PRKCA: variants seen among roughly 807,000 people sequenced by gnomAD.
PRKCA encodes the protein protein kinase C alpha type.
In PRKCA, 27 loss-of-function variants were observed where a neutral mutation model predicts 87.0. That is an observed-to-expected ratio of 0.31 (90% CI 0.23 to 0.43). The LOEUF is 0.43. Ranked by LOEUF, PRKCA falls within the 20% of genes least tolerant of loss-of-function variation. PRKCA has a pLI of 1.00. For missense variants in PRKCA, 518 were observed against 852.3 expected, an observed-to-expected ratio of 0.61 and a Z score of 4.88; for synonymous variants, 329 against 311.1, an observed-to-expected ratio of 1.06 and a Z score of -0.61.
In PRKCA at chr17:66,333,842, C is replaced by T. The variant is rs144765925; in HGVS notation, c.205+27715C>T. Among the ~76,000 whole-genome samples the T allele has an allele frequency of 8.5e-3, 1,294 of 152,190 alleles. 25 individuals are homozygous for T. Among genetic ancestry groups the T allele is most frequent in the African/African-American group, 0.029 (1,221 of 41,504 alleles). On this transcript the variant is annotated intron_variant, in intron 2 of 16. Transcript: ENST00000413366. ...TTAGGATGATGCTCTTCATTGAAACCTGGGGGTTATACTTTTTAAAAAAAT... is the reference window on the plus strand; with the variant it reads ...TTAGGATGATGCTCTTCATTGAAACTTGGGGGTTATACTTTTTAAAAAAAT...
chr17:66,508,920 C>T (rs1394766634), intron 3 of PRKCA, among the ~76,000 whole-genome samples: 3 of 152,152 alleles, frequency 2.0e-5, no homozygotes, highest in Non-Finnish European at 4.4e-5. Flanking sequence ...CAGAGTCACT[C>T]ACAGCGGCCT....
At chr17:66,638,297 A>G (rs1205472792) in intron 3 of PRKCA, 2 of 152,092 alleles carry the variant, frequency 1.3e-5, no homozygotes, top group Non-Finnish European at 2.9e-5. Flanking sequence ...CACAAATACA[A>G]AACTTGGAGT....
intron 3 of PRKCA, chr17:66,640,809 C>T (rs1420692896): frequency 1.4e-5 from 5 of 350,942 alleles, no homozygotes; most frequent in East Asian, 2.1e-4. Context: ...TGGTGGAAAC[C>T]GTGGTATGTG....
chr17:66,759,054 T>C (rs951900401), intron 13 of PRKCA, among the ~76,000 whole-genome samples: 2 of 152,166 alleles, frequency 1.3e-5, no homozygotes, highest in African/African-American at 4.8e-5. Flanking sequence ...TGTTACAGTG[T>C]TATTTGAAAG....
intron 8 of PRKCA, among the ~76,000 whole-genome samples, chr17:66,693,233 G>C (rs1418142926): frequency 1.3e-5 from 2 of 152,230 alleles, no homozygotes; most frequent in Non-Finnish European, 2.9e-5. Flanking sequence ...GATCCTGCTA[G>C]AGCAGTTCAT....
intron 13 of PRKCA, among the ~76,000 whole-genome samples, chr17:66,752,987 G>C (rs1349209022): frequency 6.6e-6 from 1 of 152,204 alleles, no homozygotes; most frequent in Non-Finnish European, 1.5e-5. Flanking sequence ...CCAGGGACTA[G>C]ATAAAAAATA....
intron 2 of PRKCA, among the ~76,000 whole-genome samples, chr17:66,324,671 A>G (rs1905873793): frequency 6.6e-6 from 1 of 152,122 alleles, no homozygotes; most frequent in South Asian, 2.1e-4. Context: ...AGACTTTCCA[A>G]TGTGATAAAA....
At chr17:66,392,819 A>G (rs2090892457) in intron 2 of PRKCA, among the ~76,000 whole-genome samples, 1 of 152,150 alleles carries the variant, frequency 6.6e-6, no homozygotes. Flanking sequence ...AGCAGTCAGA[A>G]CTTCAGCTTT....
chr17:66,720,497 C>A (rs1356788261), intron 8 of PRKCA, among the ~76,000 whole-genome samples: 1 of 152,206 alleles, frequency 6.6e-6, no homozygotes. Context: ...CGTGAAAACC[C>A]TCAGTTCCTT....
At chr17:66,543,452 G>A (rs574453783) in intron 3 of PRKCA, among the ~76,000 whole-genome samples, 1 of 152,232 alleles carries the variant, frequency 6.6e-6, no homozygotes, top group South Asian at 2.1e-4. Context: ...TGTTATTTGA[G>A]ACTAATGAAA....
intron 3 of PRKCA, among the ~76,000 whole-genome samples, chr17:66,596,763 A>T (rs1364765830): frequency 1.5e-4 from 12 of 77,786 alleles, no homozygotes; most frequent in African/African-American, 6.6e-4. Context: ...CCAGAGTGTG[A>T]TATTCCCCTT....
chr17:66,558,156 C>T (rs867377373), intron 3 of PRKCA, among the ~76,000 whole-genome samples: 1 of 152,238 alleles, frequency 6.6e-6, no homozygotes, highest in African/African-American at 2.4e-5. Flanking sequence ...GGCCCAGGCT[C>T]CTGATGGTCG....
chr17:66,786,044 G>C (rs887593495), intron 14 of PRKCA, among the ~76,000 whole-genome samples: 3 of 152,180 alleles, frequency 2.0e-5, no homozygotes, highest in Non-Finnish European at 4.4e-5. Flanking sequence ...TAGCCAGGAT[G>C]GTCTCGATCA....
chr17:66,441,646 C>A (rs998413727), intron 2 of PRKCA, among the ~76,000 whole-genome samples: 6 of 152,306 alleles, frequency 3.9e-5, no homozygotes, highest in Admixed American at 6.5e-5. Flanking sequence ...GAAGTCAATG[C>A]CTGTGATCCC....
intron 10 of PRKCA, among the ~76,000 whole-genome samples, chr17:66,737,217 GC>G (rs1197580777): frequency 7.0e-6 from 1 of 142,302 alleles, no homozygotes; most frequent in East Asian, 2.2e-4. Context: ...AAAAAAATTA[GC>G]CGGGCGTGGT....
At chr17:66,462,962 ACAC>A (rs963231195) in intron 2 of PRKCA, among the ~76,000 whole-genome samples, 2 of 127,798 alleles carry the variant, frequency 1.6e-5, no homozygotes, top group Non-Finnish European at 3.3e-5. Context: ...ACACACACAC[ACAC>A]ATTTATGAGT....
intron 3 of PRKCA, among the ~76,000 whole-genome samples, chr17:66,582,165 A>G (rs1382001369): frequency 2.6e-5 from 4 of 152,132 alleles, no homozygotes; most frequent in African/African-American, 9.7e-5. Context: ...GTGTATAGTA[A>G]TTGCTGTTTC....
chr17:66,569,296 C>T (rs527717219), intron 3 of PRKCA, among the ~76,000 whole-genome samples: 210 of 152,232 alleles, frequency 1.4e-3, no homozygotes, highest in African/African-American at 4.5e-3. Context: ...AGGTCAGGTG[C>T]GGTGGCTCAC....
At chr17:66,516,621 AGAC>A (rs1966978788) in intron 3 of PRKCA, among the ~76,000 whole-genome samples, 1 of 151,518 alleles carries the variant, frequency 6.6e-6, no homozygotes, top group Non-Finnish European at 1.5e-5. Flanking sequence ...CAACAGAGCA[AGAC>A]TCTGTCTAAA....
Sources: allele counts gnomAD v4.1 joint callset (sites outside exome capture counted in the v4.1 genomes callset), GRCh38; gene constraint gnomAD v4.1.1; transcripts MANE v1.5; gene names NCBI Gene and HGNC (gene_info 2026-07-23, HGNC 2026-07-21).